The following FBXL4 variants were observed in gnomAD, a reference collection of about 807,000 sequenced individuals.
FBXL4 encodes F-box/LRR-repeat protein 4.
In FBXL4, 40 loss-of-function variants were observed where a neutral mutation model predicts 58.9. The observed-to-expected ratio is 0.68, with a 90% CI of 0.53 to 0.88. FBXL4 has a LOEUF of 0.88. Ranked by LOEUF, FBXL4 falls within the 40% of genes least tolerant of loss-of-function variation. The pLI, the probability that FBXL4 is intolerant of heterozygous loss-of-function variation, is 0.00. For synonymous variants in FBXL4, 263 were observed against 265.5 expected (o/e 0.99, Z 0.09); for missense variants, 676 against 734.4 (o/e 0.92, Z 0.92).
At chr6:98,925,747 T>C (rs533109542) in intron 4 of FBXL4, among the ~76,000 whole-genome samples, 1 of 152,356 alleles carries the variant, frequency 6.6e-6, no homozygotes, top group Admixed American at 6.5e-5. Flanking sequence ...CTTACTTTTG[T>C]GTATAAAAAT....
chr6:98,878,224 TA>T (rs1178749278), intron 8 of FBXL4, among the ~76,000 whole-genome samples: 1 of 152,192 alleles, frequency 6.6e-6, no homozygotes, highest in Non-Finnish European at 1.5e-5. Context: ...ATCACAAATC[TA>T]AACATTGCTA....
Position 98,875,475 on chromosome 6 carries a change from C to T in FBXL4, c.1642G>A (p.Asp548Asn). 6.2e-7 allele frequency: 1 copy of T among 1,613,164 alleles called. No individual in the cohort carries two copies. Among genetic ancestry groups the T allele is most frequent in the Non-Finnish European group, 8.5e-7 (1 of 1,179,178 alleles). Residue 548 changes from aspartate to asparagine, a missense_variant, in exon 9 of 10, where the codon GAC (aspartate) becomes AAC (asparagine). By Grantham distance (23) the Asp-to-Asn change is conservative (BLOSUM62 1). Coordinates refer to ENST00000369244, the MANE Select transcript of FBXL4 (RefSeq NM_001278716.2). ...LFLTANRSVC[D>N]TDIDELACNC... The stretch of plus-strand genomic sequence containing the variant: ...CATGCCAATTCATCAATGTCTGTGT[C>T]ACACACAGATCTATTAGCTGTAAGA...
Position 98,899,324 on chromosome 6 carries a change from G to T in FBXL4, c.1261C>A (p.His421Asn). ...CDKLPPQAFNHIAKLCSLKRL... is the reference protein window; with the variant it reads ...CDKLPPQAFNNIAKLCSLKRL... ...TTAAGGCTGCATAACTTGGCAATGT[G>T]GTTGAAAGCTTGAGGTGGTAGCTTA... The change falls in exon 7 of 10, where the codon CAC (histidine) becomes AAC (asparagine). Residue 421 changes from histidine (H) to asparagine (N), a missense_variant. By Grantham distance (68) the His-to-Asn change is moderately conservative (BLOSUM62 1). Coordinates refer to ENST00000369244, the MANE Select transcript of FBXL4 (RefSeq NM_001278716.2). 2 of 1,614,010 alleles carry T rather than the reference G, an allele frequency of 1.2e-6. No homozygotes were observed. Among genetic ancestry groups the T allele is most frequent in the Non-Finnish European group, 1.7e-6 (2 of 1,179,936 alleles).
At chr6:98,887,684 T>C (rs998931528) in intron 7 of FBXL4, among the ~76,000 whole-genome samples, 1 of 152,226 alleles carries the variant, frequency 6.6e-6, no homozygotes, top group Admixed American at 6.5e-5. Flanking sequence ...ATGATATAAC[T>C]GATCTTTGCT....
chr6:98,891,714 A>T (rs1771233567), intron 7 of FBXL4, among the ~76,000 whole-genome samples: 1 of 136,306 alleles, frequency 7.3e-6, no homozygotes, highest in African/African-American at 2.9e-5. Flanking sequence ...GTGAGACCCT[A>T]TCTCTACCAA....
Position 98,899,372 on chromosome 6 carries a change from C to T in FBXL4, c.1213G>A (p.Ala405Thr), listed in dbSNP as rs761182973. Reference protein sequence around the residue: ...VISEMCPNLQALNLSSCDKLP... With the variant: ...VISEMCPNLQTLNLSSCDKLP... ...TTATCACAGGAGGAGAGATTTAAGG[C>T]CTGTAGATTTGGACACATCTCAGAA... The change falls in exon 7 of 10, where the codon GCC becomes ACC. Residue 405 changes from alanine to threonine, a missense_variant. By Grantham distance (58) the Ala-to-Thr change is moderately conservative. Coordinates refer to ENST00000369244, the MANE Select transcript of FBXL4 (RefSeq NM_001278716.2). 1 of 1,613,792 alleles carries T rather than the reference C, an allele frequency of 6.2e-7. No individual in the cohort carries two copies. Among genetic ancestry groups the T allele is most frequent in the Non-Finnish European group, 8.5e-7 (1 of 1,179,956 alleles).
chr6:98,905,379 ACC>A, intron 6 of FBXL4, 45 bp downstream of exon 6: 4 of 1,602,392 alleles, frequency 2.5e-6, no homozygotes, highest in Non-Finnish European at 3.4e-6. Flanking sequence ...AATAAGTATA[ACC>A]TGCTGCTGGG....
intron 7 of FBXL4, among the ~76,000 whole-genome samples, chr6:98,881,697 C>T (rs1421352435): frequency 6.6e-6 from 1 of 152,056 alleles, no homozygotes; most frequent in African/African-American, 2.4e-5. Context: ...CCACAGAGGA[C>T]TATTATACTT....
chr6:98,930,452 G>A lies in FBXL4; in HGVS notation c.-190-2630C>T, dbSNP rs780957685. On this transcript the variant is annotated intron_variant, in intron 2 of 9. Coordinates refer to ENST00000369244, the MANE Select transcript of FBXL4 (RefSeq NM_001278716.2). Reference sequence around the variant, plus strand: ...ACAAATAAATAAATAAGGTGTTTCTGTAACACACACTTAATGGATGTGCTC... The same window carrying A: ...ACAAATAAATAAATAAGGTGTTTCTATAACACACACTTAATGGATGTGCTC... Among the ~76,000 whole-genome samples, 151 of 152,066 alleles carry A rather than the reference G, an allele frequency of 9.9e-4. 2 individuals carry two copies. The highest frequency in any genetic ancestry group is 3.2e-3 in the Middle Eastern group (1 of 316).
intron 7 of FBXL4, among the ~76,000 whole-genome samples, chr6:98,881,611 A>C (rs1356185554): frequency 1.3e-5 from 2 of 152,114 alleles, no homozygotes; most frequent in East Asian, 3.9e-4. Flanking sequence ...AAAGATTCTC[A>C]TTGAGAAAAT....
intron 7 of FBXL4, among the ~76,000 whole-genome samples, chr6:98,895,342 A>G (rs1425479940): frequency 6.6e-6 from 1 of 152,220 alleles, no homozygotes; most frequent in African/African-American, 2.4e-5. Context: ...CCTGCAGAAG[A>G]TATTTATAAA....
At chr6:98,877,657 T>A (rs1048640877) in intron 8 of FBXL4, among the ~76,000 whole-genome samples, 1 of 152,176 alleles carries the variant, frequency 6.6e-6, no homozygotes, top group Admixed American at 6.5e-5. Flanking sequence ...TTATTCATTA[T>A]CTAATTTTAA....
At chr6:98,939,967 A>C (rs1438527845) in intron 1 of FBXL4, among the ~76,000 whole-genome samples, 1 of 152,262 alleles carries the variant, frequency 6.6e-6, no homozygotes, top group Non-Finnish European at 1.5e-5. Flanking sequence ...TTATTACAGT[A>C]GTACAGTATG....
intron 1 of FBXL4, among the ~76,000 whole-genome samples, chr6:98,947,280 G>C (rs934101037): frequency 6.6e-6 from 1 of 152,196 alleles, no homozygotes; most frequent in Admixed American, 6.5e-5. Context: ...CACACTCTAG[G>C]GGCACCCCTA....
rs529202928 is a variant in FBXL4, at chr6:98,879,300, T to C, written c.1389+1253A>G. On this transcript the variant is annotated intron_variant, in intron 8 of 9. Coordinates refer to ENST00000369244, the MANE Select transcript of FBXL4 (RefSeq NM_001278716.2). ...TGCTAATTCAAGTCTTCCTACTAAG[T>C]GAATGCAAGGCAGAAATGGAATGGT... Among the ~76,000 whole-genome samples, 10 of 152,274 alleles carry C rather than the reference T, an allele frequency of 6.6e-5. No homozygotes were observed. The South Asian group carries it at 2.1e-3, about 32-fold the overall frequency.
chr6:98,916,142 G>A (rs1282032916), intron 5 of FBXL4, among the ~76,000 whole-genome samples: 1 of 151,328 alleles, frequency 6.6e-6, no homozygotes, highest in Non-Finnish European at 1.5e-5. Flanking sequence ...AGTTAGAATG[G>A]CAATCATTAA....
At chr6:98,914,708 T>C (rs150180259) in intron 5 of FBXL4, among the ~76,000 whole-genome samples, 3 of 152,282 alleles carry the variant, frequency 2.0e-5, no homozygotes, top group African/African-American at 7.2e-5. Context: ...CCACAGCCTA[T>C]ATCATACTGA....
chr6:98,939,208 TC>T (rs1360783534), intron 1 of FBXL4, among the ~76,000 whole-genome samples: 1 of 151,062 alleles, frequency 6.6e-6, no homozygotes, highest in Non-Finnish European at 1.5e-5. Flanking sequence ...TAAGCAGATA[TC>T]CTTTCTCCTC....
At chr6:98,920,711 G>A (rs1360578991) in intron 4 of FBXL4, among the ~76,000 whole-genome samples, 1 of 151,884 alleles carries the variant, frequency 6.6e-6, no homozygotes, top group Non-Finnish European at 1.5e-5. Context: ...GAGAATATGA[G>A]AATTTCTTTT....
Sources: allele counts gnomAD v4.1 joint callset (sites outside exome capture counted in the v4.1 genomes callset), GRCh38; gene constraint gnomAD v4.1.1; transcripts MANE v1.5; gene names NCBI Gene and HGNC (gene_info 2026-07-23, HGNC 2026-07-21).